PBX3: variants seen among roughly 807,000 people sequenced by gnomAD.
PBX3 encodes the protein PBX homeobox 3.
A neutral mutation model predicts 48.5 loss-of-function variants in PBX3; 14 were observed. The observed-to-expected ratio is 0.29, with a 90% CI of 0.19 to 0.45. PBX3 has a LOEUF of 0.45. Ranked by LOEUF, PBX3 falls within the 20% of genes least tolerant of loss-of-function variation. The pLI, the probability that PBX3 is intolerant of heterozygous loss-of-function variation, is 1.00. For missense variants in PBX3, 386 were observed against 546.7 expected, an observed-to-expected ratio of 0.71 and a Z score of 2.93; for synonymous variants, 210 against 200.3, an observed-to-expected ratio of 1.05 and a Z score of -0.41.
chr9:125,928,392 ATGTGTGTG>A (rs112869741), intron 3 of PBX3, among the ~76,000 whole-genome samples: 7 of 140,220 alleles, frequency 5.0e-5, no homozygotes, highest in East Asian at 2.1e-4. Context: ...GGGGAAACAA[ATGTGTGTG>A]TGTGTGTGTG....
chr9:125,956,358 GATA>G (rs1226813661), intron 5 of PBX3, among the ~76,000 whole-genome samples: 2 of 152,206 alleles, frequency 1.3e-5, no homozygotes, highest in African/African-American at 2.4e-5. Flanking sequence ...ATTCTAAGGA[GATA>G]ATGAGTAAAA....
intron 2 of PBX3, among the ~76,000 whole-genome samples, chr9:125,768,558 C>T (rs1182664779): frequency 6.6e-6 from 1 of 152,110 alleles, no homozygotes; most frequent in Non-Finnish European, 1.5e-5. Context: ...TTTTCTGAAA[C>T]AAAACTAAGC....
intron 2 of PBX3, among the ~76,000 whole-genome samples, chr9:125,915,160 T>C (rs1841296620): frequency 6.6e-6 from 1 of 152,176 alleles, no homozygotes; most frequent in South Asian, 2.1e-4. Flanking sequence ...AATCACACGA[T>C]GGAAAAGCTC....
intron 1 of PBX3, chr9:125,748,325 C>G: frequency 8.2e-7 from 1 of 1,214,168 alleles, no homozygotes; most frequent in Non-Finnish European, 1.0e-6. Flanking sequence ...GAGGCTGCTG[C>G]CTGCCGGGCA....
intron 2 of PBX3, among the ~76,000 whole-genome samples, chr9:125,849,720 A>G (rs1232887866): frequency 6.6e-6 from 1 of 152,010 alleles, no homozygotes; most frequent in Admixed American, 6.6e-5. Context: ...TATTTTGGCA[A>G]CACCCTAAAT....
rs558470240 is a variant in PBX3, at chr9:125,870,073, T to TGCACTATCTCAGCTCACTGAGACAGTA, written c.275-45581_275-45555dup. On this transcript the variant is annotated intron_variant, in intron 2 of 8. Coordinates refer to ENST00000373489, the MANE Select transcript of PBX3 (RefSeq NM_006195.6). ...GACGGTCTCAGTCTGTTGCCCAGGC[T>TGCACTATCTCAGCTCACTGAGACAGTA]GCACTATCTCAGCTCACTGAGACAG... is the stretch of plus-strand genomic sequence containing the variant. Among the ~76,000 whole-genome samples, 116 of 150,380 alleles carry TGCACTATCTCAGCTCACTGAGACAGTA rather than the reference T, an allele frequency of 7.7e-4. 1 individual carries two copies. The highest frequency in any genetic ancestry group is 3.4e-3 in the Middle Eastern group (1 of 292).
chr9:125,881,479 A>G (rs1840380400), intron 2 of PBX3, among the ~76,000 whole-genome samples: 1 of 152,194 alleles, frequency 6.6e-6, no homozygotes. Flanking sequence ...AACAATAATA[A>G]CTCATCACCA....
At chr9:125,923,008 G>A (rs1383770889) in intron 3 of PBX3, among the ~76,000 whole-genome samples, 1 of 152,204 alleles carries the variant, frequency 6.6e-6, no homozygotes, top group Non-Finnish European at 1.5e-5. Context: ...ATGAACTACT[G>A]GTTTAAAGAA....
At chr9:125,767,969 G>A (rs1008278861) in intron 2 of PBX3, among the ~76,000 whole-genome samples, 7 of 150,744 alleles carry the variant, frequency 4.6e-5, no homozygotes, top group African/African-American at 1.0e-4. Flanking sequence ...GCTGGCGGCC[G>A]GTGGGACGGG....
rs148856219 is a variant in PBX3 at position 125,849,815 on chromosome 9, T to G, written c.275-65871T>G. Among the ~76,000 whole-genome samples the G allele has an allele frequency of 4.5e-4, 68 of 152,140 alleles. No homozygotes were observed. The East Asian group carries it at 0.011, about 24-fold the overall frequency. ...TAATTTGTGTTTTCAGTGCTTTAGA[T>G]GCATTAGATAAATGCTTATACTTAA... On this transcript the variant is annotated intron_variant, in intron 2 of 8. Transcript: ENST00000373489.
chr9:125,784,157 GTC>G (rs1837398920), intron 2 of PBX3, among the ~76,000 whole-genome samples: 1 of 152,094 alleles, frequency 6.6e-6, no homozygotes. Context: ...TTGAGACGAA[GTC>G]TCTCTTTCTC....
At position 125,960,725 on chromosome 9, in the gene PBX3, G is replaced by C; in HGVS notation, c.885G>C (p.Lys295Asn). The change falls in exon 6 of 9, where the codon AAG becomes AAC. Residue 295 changes from lysine to asparagine, a missense_variant. This residue lies in a region of PBX3 where 74 missense variants were observed against 206.1 expected (regional missense o/e 0.36). Transcript: ENST00000373489. ...GCAACAAACGAATCAGGTACAAGAA[G>C]AACATTGGCAAGTTTCAGGAAGAAG... ...WFGNKRIRYKKNIGKFQEEAN... is the reference protein window; with the variant it reads ...WFGNKRIRYKNNIGKFQEEAN... 6.2e-7 allele frequency: 1 copy of C among 1,614,224 alleles called. No homozygotes were observed.
At chr9:125,764,726 G>T (rs1223590492) in intron 2 of PBX3, among the ~76,000 whole-genome samples, 2 of 152,172 alleles carry the variant, frequency 1.3e-5, no homozygotes, top group Non-Finnish European at 2.9e-5. Context: ...TTAGATCATT[G>T]CTTAGAGTTG....
intron 2 of PBX3, among the ~76,000 whole-genome samples, chr9:125,850,149 AT>A: frequency 6.6e-6 from 1 of 152,054 alleles, no homozygotes; most frequent in Non-Finnish European, 1.5e-5. Flanking sequence ...AACCTAGTAG[AT>A]TAATATTAAA....
chr9:125,936,287 AGT>A (rs1288474338), intron 5 of PBX3, among the ~76,000 whole-genome samples: 1 of 152,242 alleles, frequency 6.6e-6, no homozygotes, highest in African/African-American at 2.4e-5. Context: ...TTAACAAACA[AGT>A]GTACCTCTTT....
intron 2 of PBX3, among the ~76,000 whole-genome samples, chr9:125,771,779 C>T (rs1836946571): frequency 6.6e-6 from 1 of 152,066 alleles, no homozygotes; most frequent in African/African-American, 2.4e-5. Context: ...TTCTTCCTTT[C>T]CTTTAATGTT....
chr9:125,907,123 A>G (rs917960906), intron 2 of PBX3, among the ~76,000 whole-genome samples: 9 of 152,060 alleles, frequency 5.9e-5, no homozygotes, highest in African/African-American at 2.2e-4. Flanking sequence ...TGGAAGTGAT[A>G]AGAGAGTAAA....
rs554072202 is a variant in PBX3, at chr9:125,948,625, A to G, written c.844-12059A>G. Among the ~76,000 whole-genome samples the G allele has an allele frequency of 3.3e-5, 5 of 152,266 alleles. No individual in the cohort carries two copies. In the South Asian group the frequency reaches 1.0e-3, roughly 32 times the overall value. On this transcript the variant is annotated intron_variant, in intron 5 of 8. Coordinates refer to ENST00000373489, the MANE Select transcript of PBX3 (RefSeq NM_006195.6). ...TAGAAAGAAATTTATAGCTTTATAT[A>G]TAATATATACATGAATGTGTATGTG...
chr9:125,804,757 C>G (rs930151996), intron 2 of PBX3, among the ~76,000 whole-genome samples: 2 of 151,942 alleles, frequency 1.3e-5, no homozygotes, highest in Admixed American at 6.6e-5. Context: ...TGGAGCCTAG[C>G]CAACATGGTG....
Sources: gnomAD v4.1 joint callset for allele counts (sites outside exome capture counted in the v4.1 genomes callset) on GRCh38, gnomAD v4.1.1 for gene constraint, gnomAD v4.1.1 regional missense constraint, MANE v1.5 for transcripts, NCBI Gene and HGNC (gene_info 2026-07-23, HGNC 2026-07-21) for gene names.